Variants in SGCZ observed in about 807,000 individuals in gnomAD.
The protein encoded by SGCZ is zeta-sarcoglycan.
SGCZ carries 40 observed loss-of-function variants against 41.3 expected under a neutral mutation model. The ratio of observed to expected loss-of-function variants is 0.97; its 90% CI spans 0.75 to 1.26. The LOEUF (loss-of-function observed/expected upper bound fraction) is 1.26, where lower values mean the gene tolerates loss of function less well. Ranked by LOEUF, SGCZ falls within the 50% of genes most tolerant of loss-of-function variation. SGCZ has a pLI of 0.00. For missense variants in SGCZ, 552 were observed against 369.8 expected (o/e 1.49, Z -4.04); for synonymous variants, 206 against 137.5 (o/e 1.50, Z -3.49).
chr8:14,577,909 G>T (rs935488984), intron 1 of SGCZ, among the ~76,000 whole-genome samples: 1 of 152,138 alleles, frequency 6.6e-6, no homozygotes, highest in Non-Finnish European at 1.5e-5. Flanking sequence ...TTTAATAAAT[G>T]AGGAAATGAA....
chr8:14,445,411 G>A (rs1433584605), intron 2 of SGCZ, among the ~76,000 whole-genome samples: 1 of 152,178 alleles, frequency 6.6e-6, no homozygotes, highest in Non-Finnish European at 1.5e-5. Context: ...GTAGAGGGAA[G>A]AGACAGCTTG....
intron 1 of SGCZ, among the ~76,000 whole-genome samples, chr8:14,957,035 C>T (rs1300765227): frequency 6.6e-6 from 1 of 151,894 alleles, no homozygotes; most frequent in Non-Finnish European, 1.5e-5. Flanking sequence ...AAAAAACAAC[C>T]CTGGAATTTA....
At chr8:14,888,841 A>AT (rs1374212906) in intron 1 of SGCZ, among the ~76,000 whole-genome samples, 3 of 152,084 alleles carry the variant, frequency 2.0e-5, no homozygotes, top group African/African-American at 7.2e-5. Flanking sequence ...TTTCACACAG[A>AT]TTTTTCAACA....
At chr8:15,060,340 T>A (rs917858675) in intron 1 of SGCZ, among the ~76,000 whole-genome samples, 2 of 151,444 alleles carry the variant, frequency 1.3e-5, no homozygotes, top group Non-Finnish European at 2.9e-5. Context: ...TATGCAGCCA[T>A]AAAAAAGGAT....
chr8:14,183,011 C>CAA (rs34038057), intron 4 of SGCZ, among the ~76,000 whole-genome samples: 2 of 83,764 alleles, frequency 2.4e-5, no homozygotes, highest in African/African-American at 8.7e-5. Context: ...AACTCCGTCT[C>CAA]AAAAAAAAAA....
At chr8:14,809,038 A>G (rs1235985827) in intron 1 of SGCZ, among the ~76,000 whole-genome samples, 1 of 150,518 alleles carries the variant, frequency 6.6e-6, no homozygotes, top group African/African-American at 2.5e-5. Flanking sequence ...AATGAGATCA[A>G]ATGGACACAG....
chr8:14,769,537 A>T lies in SGCZ; in HGVS notation c.40-214611T>A, dbSNP rs567994891. Among the ~76,000 whole-genome samples, 8 of 152,328 alleles carry T rather than the reference A, an allele frequency of 5.3e-5. No individual in the cohort carries two copies. The East Asian group carries it at 1.4e-3, about 26-fold the overall frequency. ...CCAGGCGCGATGGCTCACGCCTGTA[A>T]TCCCAGCACTTTGGGAAGCTGAGGC... On this transcript the variant is annotated intron_variant, in intron 1 of 7. Transcript: ENST00000382080.
chr8:14,626,851 C>T (rs1407950374), intron 1 of SGCZ, among the ~76,000 whole-genome samples: 1 of 152,132 alleles, frequency 6.6e-6, no homozygotes, highest in Non-Finnish European at 1.5e-5. Flanking sequence ...ATTGCTTAAT[C>T]CACTTAGTTT....
At chr8:14,622,991 G>A (rs1806334000) in intron 1 of SGCZ, among the ~76,000 whole-genome samples, 1 of 152,170 alleles carries the variant, frequency 6.6e-6, no homozygotes, top group Non-Finnish European at 1.5e-5. Flanking sequence ...GAAAGAACAT[G>A]TCTGTAGTGA....
At chr8:14,928,004 C>G (rs1049978999) in intron 1 of SGCZ, among the ~76,000 whole-genome samples, 3 of 152,136 alleles carry the variant, frequency 2.0e-5, no homozygotes, top group East Asian at 3.9e-4. Flanking sequence ...GGCCTTAGCT[C>G]AACTCCAGAT....
chr8:14,633,247 GCA>G (rs1806717473), intron 1 of SGCZ, among the ~76,000 whole-genome samples: 2 of 152,010 alleles, frequency 1.3e-5, no homozygotes, highest in East Asian at 1.9e-4. Context: ...TATATAGACA[GCA>G]CAGTTTATTG....
chr8:14,594,988 T>C lies in SGCZ; in HGVS notation c.40-40062A>G, dbSNP rs571051498. On this transcript the variant is annotated intron_variant, in intron 1 of 7. Transcript: ENST00000382080. ...TCCATATCCTAATTAGTAAAGCCTT[T>C]GTTATATATTTTATATTTTTTTCTG... 2.6e-5 allele frequency among the ~76,000 whole-genome samples: 4 copies of C among 152,078 alleles called. 1 individual carries two copies. The highest frequency in any genetic ancestry group is 9.7e-5 in the African/African-American group (4 of 41,376).
intron 1 of SGCZ, among the ~76,000 whole-genome samples, chr8:15,235,370 C>A (rs1254988518): frequency 2.6e-5 from 4 of 152,240 alleles, no homozygotes; most frequent in South Asian, 4.1e-4. Context: ...GACTACATCT[C>A]CTCACTTGCC....
At chr8:14,899,715 G>C (rs541370211) in intron 1 of SGCZ, among the ~76,000 whole-genome samples, 26 of 152,198 alleles carry the variant, frequency 1.7e-4, no homozygotes, top group African/African-American at 6.0e-4. Context: ...TGGGAGAGAG[G>C]AGGGTAGAAG....
chr8:14,435,986 A>G (rs1800078874), intron 2 of SGCZ, among the ~76,000 whole-genome samples: 3 of 152,312 alleles, frequency 2.0e-5, no homozygotes, highest in African/African-American at 7.2e-5. Context: ...AGGACCAGCT[A>G]GGTATGGGGA....
chr8:14,239,526 G>C (rs908497340), intron 3 of SGCZ, among the ~76,000 whole-genome samples: 3 of 152,016 alleles, frequency 2.0e-5, no homozygotes, highest in Admixed American at 2.0e-4. Context: ...GTTTTTATTT[G>C]AGTTACTAGA....
chr8:14,983,637 G>T (rs1189962339), intron 1 of SGCZ, among the ~76,000 whole-genome samples: 4 of 152,088 alleles, frequency 2.6e-5, no homozygotes, highest in African/African-American at 4.8e-5. Flanking sequence ...GAGCCACCGT[G>T]CCCAGCCTTG....
chr8:14,147,324 C>A (rs1167459674), intron 5 of SGCZ, among the ~76,000 whole-genome samples: 1 of 152,020 alleles, frequency 6.6e-6, no homozygotes, highest in Non-Finnish European at 1.5e-5. Flanking sequence ...AAGAAACACA[C>A]TTGACCTATA....
intron 1 of SGCZ, among the ~76,000 whole-genome samples, chr8:15,105,911 A>T (rs1195786298): frequency 6.6e-6 from 1 of 150,792 alleles, no homozygotes; most frequent in Non-Finnish European, 1.5e-5. Context: ...AAAAGAGCCA[A>T]TTCTTCCCCT....
Sources: gnomAD v4.1 joint callset for allele counts (sites outside exome capture counted in the v4.1 genomes callset) on GRCh38, gnomAD v4.1.1 for gene constraint, MANE v1.5 for transcripts, NCBI Gene and HGNC (gene_info 2026-07-23, HGNC 2026-07-21) for gene names.